The following UGGT1 variants were observed in gnomAD, a reference collection of about 807,000 sequenced individuals.
The protein encoded by UGGT1 is UDP-glucose glycoprotein glucosyltransferase 1, also known as UDP-glucose:glycoprotein glucosyltransferase 1.
UGGT1 carries 107 observed loss-of-function variants against 203.9 expected under a neutral mutation model. The ratio of observed to expected loss-of-function variants is 0.52; its 90% confidence interval spans 0.45 to 0.62. The LOEUF (loss-of-function observed/expected upper bound fraction) is 0.62, where lower values mean the gene tolerates loss of function less well. Ranked by LOEUF, UGGT1 falls within the 20% of genes least tolerant of loss-of-function variation. UGGT1 has a pLI of 0.00. For missense variants in UGGT1, 1,673 were observed against 1,867.2 expected (o/e 0.90, Z 1.92); for synonymous variants, 628 against 653.5 (o/e 0.96, Z 0.59).
chr2:128,139,164 G>T (rs1689287315), intron 16 of UGGT1, among the ~76,000 whole-genome samples: 1 of 152,146 alleles, frequency 6.6e-6, no homozygotes. Flanking sequence ...TTTATACTTT[G>T]TTATTTTATT....
rs1390314141 is a variant in UGGT1, at chr2:128,152,773, T to C, written c.2017-11T>C. ...ACCCTCCCCCCTCAACCTCCTTTTT[T>C]TTTCTTGCAGGGTGAACTGCCCCAT... is the stretch of plus-strand genomic sequence containing the variant. On this transcript the variant is annotated splice_polypyrimidine_tract_variant and intron_variant, in intron 18 of 40. Transcript: ENST00000259253. 1.3e-6 allele frequency: 2 copies of C among 1,588,740 alleles called. No individual in the cohort carries two copies. Among genetic ancestry groups the C allele is most frequent in the Non-Finnish European group, 1.7e-6 (2 of 1,170,884 alleles).
chr2:128,129,833 A>G lies in UGGT1; in HGVS notation c.1377+654A>G, dbSNP rs1237850138. Among the ~76,000 whole-genome samples the G allele has an allele frequency of 4.6e-5, 7 of 152,328 alleles. No homozygotes were observed. In the East Asian group the frequency reaches 9.6e-4, roughly 21 times the overall value. The stretch of plus-strand genomic sequence containing the variant: ...GTCGTGACATCTGTAAATTAAAACT[A>G]CTATTGAAAATGTCACTTTTTAGCT... On this transcript the variant is annotated intron_variant, in intron 13 of 40. Transcript: ENST00000259253.
intron 37 of UGGT1, 141 bp from the exon 38 acceptor site, chr2:128,183,534 T>C (rs1691816014): frequency 1.7e-6 from 1 of 602,602 alleles, no homozygotes; most frequent in African/African-American, 1.9e-5. Context: ...TAGCACACTT[T>C]AACTCCACTG....
At chr2:128,116,915 A>G (rs1180963804) in intron 8 of UGGT1, among the ~76,000 whole-genome samples, 1 of 152,212 alleles carries the variant, frequency 6.6e-6, no homozygotes, top group African/African-American at 2.4e-5. Context: ...ATTAAGTTAC[A>G]TACCATTTTT....
chr2:128,143,302 A>G (rs1314226308), intron 17 of UGGT1, 77 bp downstream of exon 17: 2 of 1,432,442 alleles, frequency 1.4e-6, no homozygotes, highest in African/African-American at 2.9e-5. Flanking sequence ...GGCTTTGGTT[A>G]ATAATGGCGA....
chr2:128,108,837 G>A (rs960613469), intron 4 of UGGT1, among the ~76,000 whole-genome samples: 1 of 152,132 alleles, frequency 6.6e-6, no homozygotes, highest in African/African-American at 2.4e-5. Context: ...GTTAATTTCT[G>A]TTGGAATCAC....
intron 14 of UGGT1, among the ~76,000 whole-genome samples, chr2:128,134,179 G>T (rs1488856221): frequency 6.6e-6 from 1 of 152,142 alleles, no homozygotes; most frequent in African/African-American, 2.4e-5. Context: ...GGAATTACAG[G>T]TGCATGCCAC....
chr2:128,125,492 T>C (rs1313584878), intron 11 of UGGT1, among the ~76,000 whole-genome samples: 1 of 152,180 alleles, frequency 6.6e-6, no homozygotes, highest in Non-Finnish European at 1.5e-5. Flanking sequence ...ACATTCAGCT[T>C]TCTCAGGGCT....
chr2:128,128,746 A>G (rs192286940), intron 12 of UGGT1, among the ~76,000 whole-genome samples: 38 of 152,348 alleles, frequency 2.5e-4, no homozygotes, highest in African/African-American at 8.9e-4. Flanking sequence ...AGCATATATA[A>G]TGTAGTATCT....
At chr2:128,104,821 A>G (rs1687528722) in intron 3 of UGGT1, among the ~76,000 whole-genome samples, 1 of 151,582 alleles carries the variant, frequency 6.6e-6, no homozygotes, top group Non-Finnish European at 1.5e-5. Context: ...TAATTTTTGT[A>G]TTTTTAGTAG....
chr2:128,105,577 C>T (rs542408565), intron 3 of UGGT1, among the ~76,000 whole-genome samples: 6 of 150,816 alleles, frequency 4.0e-5, no homozygotes, highest in East Asian at 3.9e-4. Context: ...TGCAGTGGCG[C>T]GATCTCGACT....
At chr2:128,099,858 A>C (rs1687286305) in intron 2 of UGGT1, among the ~76,000 whole-genome samples, 1 of 152,170 alleles carries the variant, frequency 6.6e-6, no homozygotes. Context: ...AAGCCCAACA[A>C]AGCAAATAAC....
In UGGT1 at chr2:128,177,892, G is replaced by A; in HGVS notation, c.3685G>A (p.Glu1229Lys). The part of the protein sequence containing the change: ...DLLSDGTSEN[E>K]SGFWDSFKWG... ...GCTGAGTGATGGAACGAGTGAGAAT[G>A]AATCTGGATTTTGGGATTCCTTCAA... Residue 1229 changes from glutamate (E) to lysine (K), a missense_variant, in exon 33 of 41, where the codon GAA becomes AAA. Transcript: ENST00000259253. 2 of 1,604,420 alleles carry A rather than the reference G, an allele frequency of 1.2e-6. No individual in the cohort carries two copies. The highest frequency in any genetic ancestry group is 1.7e-6 in the Non-Finnish European group (2 of 1,175,954).
In UGGT1 at chr2:128,187,502, C is replaced by A. The variant is rs1692041330; in HGVS notation, c.4530C>A (p.Val1510=). Residue 1510 remains valine, a synonymous_variant, in exon 40 of 41, where the codon GTC becomes GTA. Transcript: ENST00000259253. ...EPKLEAAVRI[V]PEWQDYDQEI... ...AACTGGAAGCAGCTGTGCGGATTGT[C>A]CCGGAGTGGCAGGACTACGACCAAG... 1 of 1,614,118 alleles carries A rather than the reference C, an allele frequency of 6.2e-7. No individual in the cohort carries two copies. Among genetic ancestry groups the A allele is most frequent in the Admixed American group, 1.7e-5 (1 of 59,988 alleles).
chr2:128,164,722 T>G lies in UGGT1; in HGVS notation c.2826-8T>G. On this transcript the variant is annotated splice_region_variant and splice_polypyrimidine_tract_variant and intron_variant, in intron 25 of 40. Coordinates refer to ENST00000259253, the MANE Select transcript of UGGT1 (RefSeq NM_020120.4). ...AGATGTTAAGATTTCTCTAACCCCT[T>G]CTTTCAGGGCAAGCGACTTGGTAAT... 6.2e-7 allele frequency: 1 copy of G among 1,613,646 alleles called. No homozygotes were observed. The highest frequency in any genetic ancestry group is 8.5e-7 in the Non-Finnish European group (1 of 1,179,616).
chr2:128,109,672 G>GT lies in UGGT1; in HGVS notation c.454dup (p.Ser152PhefsTer9). The GT allele has an allele frequency of 1.2e-6, 2 of 1,613,994 alleles. No homozygotes were observed. Among genetic ancestry groups the GT allele is most frequent in the South Asian group, 2.2e-5 (2 of 91,082 alleles). Reference sequence around the variant, plus strand: ...AACCTCCACCAGAAGGATGTAATTCGTTTTTTTCAGTGCATGGAAAGAAGA... The same window carrying GT: ...AACCTCCACCAGAAGGATGTAATTCGTTTTTTTTCAGTGCATGGAAAGAAGA... On this transcript the variant is annotated frameshift_variant, in exon 5 of 41. Transcript: ENST00000259253. LOFTEE classifies it high-confidence loss of function.
Position 128,186,665 on chromosome 2 carries a change from T to A in UGGT1, c.4360-18T>A. 1 of 1,568,308 alleles carries A rather than the reference T, an allele frequency of 6.4e-7. No homozygotes were observed. The highest frequency in any genetic ancestry group is 2.2e-5 in the East Asian group (1 of 44,536). On this transcript the variant is annotated intron_variant, in intron 38 of 40. Transcript: ENST00000259253. ...TTAGATACATGTATTTTATTTTTAT[T>A]TTTTTTTAACCAAACAGGATCTGCC...
chr2:128,136,408 CT>C (rs1381494064), intron 15 of UGGT1, among the ~76,000 whole-genome samples: 1 of 150,310 alleles, frequency 6.7e-6, no homozygotes, highest in Non-Finnish European at 1.5e-5. Context: ...AACTACTGAT[CT>C]TTTTACTGTC....
chr2:128,117,199 C>T (rs753439698), intron 8 of UGGT1, among the ~76,000 whole-genome samples: 32 of 152,092 alleles, frequency 2.1e-4, no homozygotes, highest in South Asian at 6.2e-4. Context: ...AAGTGATTCT[C>T]CTGCCTCAGC....
Sources: gnomAD v4.1 joint callset for allele counts (sites outside exome capture counted in the v4.1 genomes callset) on GRCh38, gnomAD v4.1.1 for gene constraint, MANE v1.5 for transcripts, NCBI Gene and HGNC (gene_info 2026-07-23, HGNC 2026-07-21) for gene names.